The following HHAT variants were observed in gnomAD, a reference collection of about 807,000 sequenced individuals.
HHAT encodes hedgehog acyltransferase.
In HHAT, 47 loss-of-function variants were observed where a neutral mutation model predicts 70.8. The observed-to-expected ratio is 0.66, with a 90% CI of 0.53 to 0.85. HHAT has a LOEUF of 0.85. HHAT is among the 40% of genes least tolerant of loss of function. HHAT has a pLI of 0.00. For missense variants in HHAT, 609 were observed against 604.8 expected (o/e 1.01, Z -0.07); for synonymous variants, 228 against 247.6 (o/e 0.92, Z 0.74).
intron 10 of HHAT, among the ~76,000 whole-genome samples, chr1:210,614,419 A>G (rs939914822): frequency 2.0e-5 from 3 of 152,002 alleles, no homozygotes; most frequent in African/African-American, 7.2e-5. Flanking sequence ...TTTTAAATAT[A>G]TATTTATTAT....
intron 7 of HHAT, among the ~76,000 whole-genome samples, chr1:210,437,161 A>G (rs1357952968): frequency 6.6e-6 from 1 of 151,860 alleles, no homozygotes; most frequent in East Asian, 1.9e-4. Context: ...TAGAATCTCA[A>G]CATCACATGA....
chr1:210,618,395 C>G lies in HHAT; in HGVS notation c.1246-5131C>G, dbSNP rs554964563. On this transcript the variant is annotated intron_variant, in intron 10 of 11. Coordinates refer to ENST00000261458, the MANE Select transcript of HHAT (RefSeq NM_018194.6). Reference sequence around the variant, plus strand: ...CATTGCCTTTTTCATCCTCTCTTACCCTCTGGTTAGCATTTTTATTAGAAA... The same window carrying G: ...CATTGCCTTTTTCATCCTCTCTTACGCTCTGGTTAGCATTTTTATTAGAAA... Among the ~76,000 whole-genome samples, 384 of 152,258 alleles carry G rather than the reference C, an allele frequency of 2.5e-3. 4 individuals carry two copies. The highest frequency in any genetic ancestry group is 8.8e-3 in the African/African-American group (365 of 41,534).
intron 7 of HHAT, among the ~76,000 whole-genome samples, chr1:210,428,932 C>T (rs1182136787): frequency 1.3e-5 from 2 of 151,742 alleles, no homozygotes; most frequent in East Asian, 3.9e-4. Context: ...GCTATGATCG[C>T]ACCACTGCAC....
At chr1:210,379,872 T>C (rs2090500532) in intron 3 of HHAT, among the ~76,000 whole-genome samples, 1 of 152,198 alleles carries the variant, frequency 6.6e-6, no homozygotes, top group African/African-American at 2.4e-5. Flanking sequence ...ACTTTGGCCA[T>C]GGCTTGAGAG....
chr1:210,377,514 A>G (rs569027076), intron 3 of HHAT, among the ~76,000 whole-genome samples: 3 of 152,318 alleles, frequency 2.0e-5, no homozygotes, highest in South Asian at 4.1e-4. Context: ...GGGAGACAGA[A>G]TCTATTCAAG....
intron 8 of HHAT, among the ~76,000 whole-genome samples, chr1:210,479,494 T>C (rs1166870031): frequency 6.6e-6 from 1 of 152,248 alleles, no homozygotes; most frequent in African/African-American, 2.4e-5. Flanking sequence ...GAGAAGGCCT[T>C]GTTTTTGTCA....
Position 210,334,683 on chromosome 1 carries a change from A to T in HHAT, c.-44+5579A>T, listed in dbSNP as rs547329549. On this transcript the variant is annotated intron_variant, in intron 1 of 11. Coordinates refer to ENST00000261458, the MANE Select transcript of HHAT (RefSeq NM_018194.6). The stretch of plus-strand genomic sequence containing the variant: ...ATACACCCTACCTTTTTATTTTTTT[A>T]TTTTTATTTTTATTTTTTTTTTTGC... Among the ~76,000 whole-genome samples, 143 of 149,220 alleles carry T rather than the reference A, an allele frequency of 9.6e-4. 1 individual carries two copies. The highest frequency in any genetic ancestry group is 3.3e-3 in the African/African-American group (132 of 40,598).
intron 9 of HHAT, 38 bp from the exon 10 acceptor site, chr1:210,587,860 C>A: frequency 6.6e-7 from 1 of 1,522,584 alleles, no homozygotes; most frequent in Non-Finnish European, 9.1e-7. Context: ...TGCAGGGCAG[C>A]CCTCTGTATG....
chr1:210,634,930 TG>T (rs1415126737), intron 11 of HHAT, among the ~76,000 whole-genome samples: 1 of 152,184 alleles, frequency 6.6e-6, no homozygotes, highest in Non-Finnish European at 1.5e-5. Flanking sequence ...CAGCTGGGTC[TG>T]GGTGCAAGGC....
In HHAT at chr1:210,538,397, A is replaced by C. The variant is rs539687326; in HGVS notation, c.1043+25209A>C. 2.6e-5 allele frequency among the ~76,000 whole-genome samples: 4 copies of C among 152,330 alleles called. No individual in the cohort carries two copies. The East Asian group carries it at 7.7e-4, about 29-fold the overall frequency. Reference sequence around the variant, plus strand: ...GAGATGATTTATTATAAATATAAAAAACAGGAAAAATATTTTAAAACTTTA... The same window carrying C: ...GAGATGATTTATTATAAATATAAAACACAGGAAAAATATTTTAAAACTTTA... On this transcript the variant is annotated intron_variant, in intron 9 of 11. Transcript: ENST00000261458.
intron 10 of HHAT, among the ~76,000 whole-genome samples, chr1:210,619,525 C>T (rs751980765): frequency 1.3e-5 from 2 of 152,076 alleles, no homozygotes; most frequent in Non-Finnish European, 2.9e-5. Context: ...ACTCCTAATG[C>T]CCCCATAGAC....
chr1:210,359,995 A>G (rs888951267), intron 2 of HHAT, among the ~76,000 whole-genome samples: 30 of 152,300 alleles, frequency 2.0e-4, no homozygotes, highest in East Asian at 1.2e-3. Flanking sequence ...CTGTCTTGGT[A>G]AATCTGCTGT....
chr1:210,604,916 C>T (rs1665067045), intron 10 of HHAT, among the ~76,000 whole-genome samples: 1 of 152,102 alleles, frequency 6.6e-6, no homozygotes, highest in Non-Finnish European at 1.5e-5. Context: ...ACTCAGGAGA[C>T]TGAGGCAGAA....
chr1:210,587,641 C>T (rs1470344670), intron 9 of HHAT, among the ~76,000 whole-genome samples: 1 of 152,172 alleles, frequency 6.6e-6, no homozygotes, highest in African/African-American at 2.4e-5. Context: ...TGCCCTGCCT[C>T]TTGTAAGTGC....
chr1:210,343,745 A>G (rs899456847), intron 1 of HHAT, among the ~76,000 whole-genome samples: 2 of 152,144 alleles, frequency 1.3e-5, no homozygotes, highest in South Asian at 2.1e-4. Flanking sequence ...GGAATGAGAC[A>G]TTAACGAAAT....
intron 10 of HHAT, among the ~76,000 whole-genome samples, chr1:210,596,772 T>G (rs1343813210): frequency 2.0e-5 from 3 of 152,202 alleles, no homozygotes; most frequent in Non-Finnish European, 2.9e-5. Context: ...TTTTGAATTC[T>G]CTGCCTGAAA....
intron 8 of HHAT, among the ~76,000 whole-genome samples, chr1:210,504,729 T>A (rs1015148701): frequency 3.9e-5 from 6 of 152,160 alleles, no homozygotes; most frequent in Non-Finnish European, 5.9e-5. Context: ...CAGGACTGTT[T>A]TCACCGTGTT....
At chr1:210,661,354 C>G (rs1464273859) in intron 11 of HHAT, among the ~76,000 whole-genome samples, 1 of 152,156 alleles carries the variant, frequency 6.6e-6, no homozygotes, top group Non-Finnish European at 1.5e-5. Flanking sequence ...CAATGAGATA[C>G]CATCTCACAC....
At chr1:210,386,222 C>CTTTTTTCTTTTTTTT (rs1558409107) in intron 3 of HHAT, among the ~76,000 whole-genome samples, 22 of 69,870 alleles carry the variant, frequency 3.1e-4, no homozygotes, top group African/African-American at 1.1e-3. Flanking sequence ...GAGTCCTTTT[C>CTTTTTTCTTTTTTTT]TTTTTTTCTT....
Sources: gnomAD v4.1 joint callset for allele counts (sites outside exome capture counted in the v4.1 genomes callset) on GRCh38, gnomAD v4.1.1 for gene constraint, MANE v1.5 for transcripts, NCBI Gene and HGNC (gene_info 2026-07-23, HGNC 2026-07-21) for gene names.